Variants in CFAP46 observed in about 807,000 individuals in gnomAD.
CFAP46 encodes cilia- and flagella-associated protein 46.
CFAP46 carries 245 observed loss-of-function variants against 325.7 expected under a neutral mutation model. The ratio of observed to expected loss-of-function variants is 0.75; its 90% CI spans 0.68 to 0.84. CFAP46 has a LOEUF of 0.84. Ranked by LOEUF, CFAP46 falls within the 40% of genes least tolerant of loss-of-function variation. The pLI is 0.00. For synonymous variants in CFAP46, 1,523 were observed against 1,495.9 expected, an observed-to-expected ratio of 1.02 and a Z score of -0.42; for missense variants, 3,346 against 3,543.0, an observed-to-expected ratio of 0.94 and a Z score of 1.41.
Position 132,879,375 on chromosome 10 carries a change from G to A in CFAP46, c.4005+51C>T, listed in dbSNP as rs1041627009. 11 of 1,432,732 alleles carry A rather than the reference G, an allele frequency of 7.7e-6. No homozygotes were observed. The African/African-American group carries it at 1.6e-4, about 21-fold the overall frequency. The allele number at this position is 1,432,732 out of a possible 1,614,324, so 88.8% of individuals were successfully genotyped here. A position where few individuals can be genotyped will look rare whatever the true frequency, so the allele number is the denominator to read the frequency against. On this transcript the variant is annotated intron_variant, in intron 29 of 57. Coordinates refer to ENST00000368586, the MANE Select transcript of CFAP46 (RefSeq NM_001200049.3). ...CTCACTGCGGTTTCCCCAGCCCGCG[G>A]CCCGTCCCGGGAGGTGCTGCAGGAG...
At chr10:132,921,952 G>A (rs748757949) in intron 13 of CFAP46, among the ~76,000 whole-genome samples, 152 bp downstream of exon 13, 2 of 152,344 alleles carry the variant, frequency 1.3e-5, no homozygotes, top group East Asian at 1.9e-4. Flanking sequence ...CAGACCCGGC[G>A]GGCCGAGATC....
chr10:132,909,318 C>A, intron 20 of CFAP46, 74 bp from the exon 21 acceptor site: 1 of 1,023,894 alleles, frequency 9.8e-7, no homozygotes, highest in Non-Finnish European at 1.5e-6. Flanking sequence ...GAATTTAACA[C>A]TGCAAGGTAT....
In CFAP46 at chr10:132,918,427, C is replaced by T. The variant is rs1319689434; in HGVS notation, c.1952G>A (p.Arg651Gln). ...LQRQVCPDLL[R>Q]KFAEVGFIHA... ...GATGAACCCCACCTCCGCGAACTTC[C>T]GCAGCAGGTCGGGGCACACCTGCCT... The change falls in exon 16 of 58, where the codon CGG becomes CAG. Residue 651 changes from arginine to glutamine, a missense_variant. Coordinates refer to ENST00000368586, the MANE Select transcript of CFAP46 (RefSeq NM_001200049.3). 4 of 1,549,446 alleles carry T rather than the reference C, an allele frequency of 2.6e-6. No homozygotes were observed. The South Asian group carries it at 4.8e-5, about 18-fold the overall frequency.
chr10:132,825,294 CTGTG>C (rs140742093), intron 50 of CFAP46, among the ~76,000 whole-genome samples: 7,025 of 150,802 alleles, frequency 0.047, 224 homozygotes, highest in Non-Finnish European at 0.067. Context: ...CTGATGTGTG[CTGTG>C]TGTACTGATG....
intron 9 of CFAP46, chr10:132,929,426 A>T (rs1849857332): frequency 1.4e-6 from 1 of 695,786 alleles, no homozygotes; most frequent in African/African-American, 1.8e-5. Context: ...AGCATCATGA[A>T]ATTTTACGCC....
intron 55 of CFAP46, among the ~76,000 whole-genome samples, chr10:132,812,108 G>A (rs566433475): frequency 2.7e-4 from 41 of 152,332 alleles, no homozygotes; most frequent in African/African-American, 7.9e-4. Flanking sequence ...GCTGAGCCAC[G>A]CCTGCCTCCT....
Position 132,885,861 on chromosome 10 carries a change from C to T in CFAP46, c.3403G>A (p.Asp1135Asn), listed in dbSNP as rs1849121772. Residue 1135 changes from aspartate (D) to asparagine (N), a missense_variant, in exon 26 of 58, where the codon GAC (aspartate) becomes AAC (asparagine). Coordinates refer to ENST00000368586, the MANE Select transcript of CFAP46 (RefSeq NM_001200049.3). Reference sequence around the variant, plus strand: ...CTTGGCAGCACCTGCACAGCCTCGTCCAGCACCTTGAGGCCGCCCTCCCAG... The same window carrying T: ...CTTGGCAGCACCTGCACAGCCTCGTTCAGCACCTTGAGGCCGCCCTCCCAG... Reference protein sequence around the residue: ...DDWEGGLKVLDEAVQVLPRTA... With the variant: ...DDWEGGLKVLNEAVQVLPRTA... 1 of 1,549,422 alleles carries T rather than the reference C, an allele frequency of 6.5e-7. No individual in the cohort carries two copies. Among genetic ancestry groups the T allele is most frequent in the African/African-American group, 1.4e-5 (1 of 72,936 alleles).
intron 54 of CFAP46, 23 bp from the exon 55 acceptor site, chr10:132,812,920 G>A (rs1360452309): frequency 6.3e-7 from 1 of 1,577,524 alleles, no homozygotes. Flanking sequence ...GAGAGCGCTG[G>A]TCAACAGTGC....
intron 44 of CFAP46, among the ~76,000 whole-genome samples, chr10:132,844,193 G>T (rs907728319): frequency 6.6e-6 from 1 of 151,216 alleles, no homozygotes; most frequent in Non-Finnish European, 1.5e-5. Flanking sequence ...AGGGTGCTGC[G>T]GGGCTGCTCC....
intron 7 of CFAP46, among the ~76,000 whole-genome samples, chr10:132,936,038 T>A (rs1591101501): frequency 3.0e-5 from 1 of 33,644 alleles, no homozygotes. Flanking sequence ...ATCTCCTCAC[T>A]CCCCTCACAT....
intron 38 of CFAP46, among the ~76,000 whole-genome samples, chr10:132,858,469 T>A (rs1405289154): frequency 6.6e-5 from 4 of 61,012 alleles, no homozygotes; most frequent in African/African-American, 2.3e-4. Context: ...GGGGCAGGGC[T>A]GTGGGCGGGG....
chr10:132,870,349 G>A (rs181938375), intron 32 of CFAP46, among the ~76,000 whole-genome samples: 3 of 152,122 alleles, frequency 2.0e-5, no homozygotes, highest in African/African-American at 7.2e-5. Context: ...TCCAGAGAAA[G>A]GAACAGGCGC....
At chr10:132,942,224 G>A in intron 1 of CFAP46, 120 bp from the exon 2 acceptor site, 1 of 1,361,132 alleles carries the variant, frequency 7.3e-7, no homozygotes, top group Non-Finnish European at 9.9e-7. Flanking sequence ...GCCACCGTCA[G>A]AACCTGTCGC....
At chr10:132,822,106 ATGTGTGCTGTGTGTGCACTTG>A in intron 50 of CFAP46, among the ~76,000 whole-genome samples, 1 of 106,746 alleles carries the variant, frequency 9.4e-6, no homozygotes, top group Non-Finnish European at 1.8e-5. Flanking sequence ...GTGAGTGCTG[ATGTGTGCTGTGTGTGCACTTG>A]TGTGTGCTGT....
rs976044380 is a variant in CFAP46 at position 132,817,744 on chromosome 10, G to A, written c.7118-2830C>T. Among the ~76,000 whole-genome samples the A allele has an allele frequency of 2.0e-5, 3 of 152,226 alleles. No homozygotes were observed. The highest frequency in any genetic ancestry group is 7.2e-5 in the African/African-American group (3 of 41,460). ...CGGCTTTCAGTGACTCTGTGGTGAG[G>A]GTTCTGTTAGTTTGTGTGGCTGCTG... On this transcript the variant is annotated intron_variant, in intron 50 of 57. Coordinates refer to ENST00000368586, the MANE Select transcript of CFAP46 (RefSeq NM_001200049.3). This position sits in a 1 kb window ranked among gnomAD's most constrained non-coding sequence, Gnocchi z 4.4.
rs1287238954 is a variant in CFAP46, at chr10:132,941,739, C to T, written c.175-17G>A. Reference sequence around the variant, plus strand: ...CTGCCTCATCTGCAAGAGAACACCACCACAGAAGATCACAGACCCGGAGGG... The same window carrying T: ...CTGCCTCATCTGCAAGAGAACACCATCACAGAAGATCACAGACCCGGAGGG... On this transcript the variant is annotated splice_polypyrimidine_tract_variant and intron_variant, in intron 2 of 57. Transcript: ENST00000368586. 3.1e-6 allele frequency: 5 copies of T among 1,613,566 alleles called. No homozygotes were observed. The African/African-American group carries it at 6.7e-5, about 22-fold the overall frequency.
chr10:132,811,887 A>G (rs117263136), intron 55 of CFAP46, among the ~76,000 whole-genome samples: 6,990 of 152,222 alleles, frequency 0.046, 201 homozygotes, highest in East Asian at 0.069. Flanking sequence ...GTGTCCACAC[A>G]CCTGCTCCGC....
At chr10:132,870,634 T>A (rs888694427) in intron 32 of CFAP46, among the ~76,000 whole-genome samples, 1 of 152,174 alleles carries the variant, frequency 6.6e-6, no homozygotes, top group East Asian at 1.9e-4. Context: ...CGAAGTCTCA[T>A]CCAGAGCCAG....
At chr10:132,933,240 C>A (rs151024180) in intron 8 of CFAP46, among the ~76,000 whole-genome samples, 8 of 152,278 alleles carry the variant, frequency 5.3e-5, no homozygotes, top group African/African-American at 1.7e-4. Flanking sequence ...TGGGCCCTCT[C>A]AGGTCCTGGC....
Sources: allele counts gnomAD v4.1 joint callset (sites outside exome capture counted in the v4.1 genomes callset), GRCh38; gene constraint gnomAD v4.1.1; non-coding constraint Gnocchi (gnomAD v3.1); transcripts MANE v1.5; gene names NCBI Gene and HGNC (gene_info 2026-07-23, HGNC 2026-07-21).